Variants in G6PC3 observed in about 807,000 individuals in gnomAD.
G6PC3 encodes the protein glucose-6-phosphatase catalytic subunit 3, also known as glucose-6-phosphatase 3.
G6PC3 carries 30 observed loss-of-function variants against 38.6 expected under a neutral mutation model. The observed-to-expected ratio is 0.78, with a 90% confidence interval of 0.58 to 1.05. The LOEUF (loss-of-function observed/expected upper bound fraction) is 1.05, where lower values mean the gene tolerates loss of function less well. Ranked by LOEUF, G6PC3 falls within the 50% of genes least tolerant of loss-of-function variation. G6PC3 has a pLI of 0.00. For synonymous variants in G6PC3, 192 were observed against 178.1 expected (o/e 1.08, Z -0.62); for missense variants, 377 against 443.1 (o/e 0.85, Z 1.34).
chr17:44,074,102 G>T (rs1212458002), intron 1 of G6PC3, 58 bp from the exon 2 acceptor site: 3 of 1,225,634 alleles, frequency 2.4e-6, no homozygotes, highest in Admixed American at 3.4e-5. Flanking sequence ...TGCCCGCCTT[G>T]TACCCCCCCT....
Position 44,070,808 on chromosome 17 carries a change from G to C in G6PC3, c.-158G>C. On this transcript the variant is annotated 5_prime_UTR_variant, in exon 1 of 6. Transcript: ENST00000269097. The stretch of plus-strand genomic sequence containing the variant: ...GGAGGCCGGTCTTGCAGGAGCGGGG[G>C]ACTGCTGGGGGCGGGGCTTGGTGGT... 1 of 772,144 alleles carries C rather than the reference G, an allele frequency of 1.3e-6. No homozygotes were observed. Among genetic ancestry groups the C allele is most frequent in the Non-Finnish European group, 2.2e-6 (1 of 456,300 alleles). 47.8% of individuals were successfully genotyped at this position (772,144 alleles called of 1,614,324 possible).
In G6PC3 at chr17:44,075,802, C is replaced by G. The variant is rs201700844; in HGVS notation, c.800C>G (p.Ser267Cys). 146 of 1,611,850 alleles carry G rather than the reference C, an allele frequency of 9.1e-5. No homozygotes were observed. Among genetic ancestry groups the G allele is most frequent in the Non-Finnish European group, 1.2e-4 (139 of 1,180,024 alleles). The change falls in exon 6 of 6, where the codon TCT becomes TGT. Residue 267 changes from serine (S) to cysteine (C), a missense_variant. Coordinates refer to ENST00000269097, the MANE Select transcript of G6PC3 (RefSeq NM_138387.4). The part of the protein sequence containing the change: ...AALGLGIALH[S>C]PCYAQVRRAQ... The stretch of plus-strand genomic sequence containing the variant: ...CTGGGCCTGGGCATTGCCTTGCACT[C>G]TCCCTGCTATGCCCAGGTGCGTCGG...
Position 44,071,122 on chromosome 17 carries a change from G to A in G6PC3, c.157G>A (p.Val53Met). 6.2e-7 allele frequency: 1 copy of A among 1,614,050 alleles called. No individual in the cohort carries two copies. Among genetic ancestry groups the A allele is most frequent in the Non-Finnish European group, 8.5e-7 (1 of 1,180,008 alleles). The change falls in exon 1 of 6, where the codon GTG (valine) becomes ATG (methionine). Residue 53 changes from valine (V) to methionine (M), a missense_variant. By Grantham distance (21) the Val-to-Met change is conservative. Transcript: ENST00000269097. ...FPAAYYASRR[V>M]GIAVLWISLI... is the part of the protein sequence containing the mutation. Reference sequence around the variant, plus strand: ...CGCGGCCTACTACGCCTCCCGCCGTGTGGGCATCGCGGTGCTCTGGATCAG... The same window carrying A: ...CGCGGCCTACTACGCCTCCCGCCGTATGGGCATCGCGGTGCTCTGGATCAG...
Position 44,076,090 on chromosome 17 carries a change from C to T in G6PC3, c.*47C>T, listed in dbSNP as rs1189544009. 1.2e-6 allele frequency: 2 copies of T among 1,606,590 alleles called. No individual in the cohort carries two copies. The highest frequency in any genetic ancestry group is 1.1e-5 in the South Asian group (1 of 90,820). On this transcript the variant is annotated 3_prime_UTR_variant, in exon 6 of 6. Transcript: ENST00000269097. ...CTTTCCCTCCCACAAAGCCAACACT[C>T]TGTGACCACCACACTCCAGGAGGCA...
At position 44,074,158 on chromosome 17, in the gene G6PC3, A is replaced by G; in HGVS notation, c.219-2A>G. The stretch of plus-strand genomic sequence containing the variant: ...AGTCATCTTGCATCTGTTCTCTTCC[A>G]GGTTTCTTTTTGGAGACAGGCCCTT... On this transcript the variant is annotated splice_acceptor_variant, in intron 1 of 5. Transcript: ENST00000269097. LOFTEE classifies it high-confidence loss of function. The G allele has an allele frequency of 6.2e-7, 1 of 1,606,790 alleles. No individual in the cohort carries two copies.
chr17:44,075,454 A>G lies in G6PC3; in HGVS notation c.677+3A>G, dbSNP rs1292330463. 3 of 1,614,122 alleles carry G rather than the reference A, an allele frequency of 1.9e-6. No individual in the cohort carries two copies. The highest frequency in any genetic ancestry group is 2.2e-5 in the South Asian group (2 of 91,080). On this transcript the variant is annotated splice_donor_region_variant and intron_variant, in intron 5 of 5. Coordinates refer to ENST00000269097, the MANE Select transcript of G6PC3 (RefSeq NM_138387.4). ...ACACTGGGCCTGGATCTTTCTTGGTAAGTCTCGCTTTGAAGCCTGGGCAGG... is the reference window on the plus strand; with the variant it reads ...ACACTGGGCCTGGATCTTTCTTGGTGAGTCTCGCTTTGAAGCCTGGGCAGG...
chr17:44,075,482 G>T, intron 5 of G6PC3, 31 bp downstream of exon 5: 1 of 1,613,962 alleles, frequency 6.2e-7, no homozygotes. Flanking sequence ...TGGGCAGGCT[G>T]GGCCCTGTCC....
Sources: gnomAD v4.1 joint callset for allele counts on GRCh38, gnomAD v4.1.1 for gene constraint, MANE v1.5 for transcripts, NCBI Gene and HGNC (gene_info 2026-07-23, HGNC 2026-07-21) for gene names.